Variants in ATG14 observed in about 807,000 individuals in gnomAD.
ATG14 encodes beclin 1-associated autophagy-related key regulator.
In ATG14, 35 loss-of-function variants were observed where a neutral mutation model predicts 60.4. The observed-to-expected ratio is 0.58, with a 90% confidence interval of 0.44 to 0.77. The LOEUF is 0.77. Ranked by LOEUF, ATG14 falls within the 30% of genes least tolerant of loss-of-function variation. The probability of loss-of-function intolerance (pLI) is 0.00; values close to 1 mark genes in which losing one functional copy is unlikely to be tolerated. For synonymous variants in ATG14, 234 were observed against 228.8 expected (o/e 1.02, Z -0.21); for missense variants, 647 against 626.3 (o/e 1.03, Z -0.35).
intron 1 of ATG14, among the ~76,000 whole-genome samples, chr14:55,409,094 G>T (rs543735542): frequency 1.3e-5 from 2 of 152,334 alleles, no homozygotes; most frequent in Admixed American, 6.5e-5. Context: ...ACGTAGTCAG[G>T]AGAGAAATGA....
At position 55,367,174 on chromosome 14, in the gene ATG14, G is replaced by C. The variant is rs1238072454; in HGVS notation, c.*2445C>G. 6.6e-6 allele frequency: 1 copy of C among 152,150 alleles called. No individual in the cohort carries two copies. The highest frequency in any genetic ancestry group is 1.5e-5 in the Non-Finnish European group (1 of 68,030). The allele number at this position is 152,150 out of a possible 1,614,324, so 9.4% of individuals were successfully genotyped here. A position where few individuals can be genotyped will look rare whatever the true frequency, so the allele number is the denominator to read the frequency against. On this transcript the variant is annotated 3_prime_UTR_variant, in exon 10 of 10. Transcript: ENST00000247178. ...TCATCTCTCATTCATGGTTTCATAA[G>C]AGGCTTAAGAAAACCATGACTGTTG...
intron 4 of ATG14, among the ~76,000 whole-genome samples, chr14:55,386,414 T>A (rs779757734): frequency 6.6e-6 from 1 of 152,174 alleles, no homozygotes; most frequent in Non-Finnish European, 1.5e-5. Context: ...CACCAAAGAA[T>A]AGTCACATTG....
In ATG14 at chr14:55,368,748, C is replaced by G. The variant is rs1333612520; in HGVS notation, c.*871G>C. 2 of 152,178 alleles carry G rather than the reference C, an allele frequency of 1.3e-5. No individual in the cohort carries two copies. The highest frequency in any genetic ancestry group is 4.8e-5 in the African/African-American group (2 of 41,436). 9.4% of individuals were successfully genotyped at this position (152,178 alleles called of 1,614,324 possible). Reference sequence around the variant, plus strand: ...AGGCCACTTAACTAAGTGGCTTTTCCCCTGTGCCCAGGCAGGCATTGAGCT... The same window carrying G: ...AGGCCACTTAACTAAGTGGCTTTTCGCCTGTGCCCAGGCAGGCATTGAGCT... On this transcript the variant is annotated 3_prime_UTR_variant, in exon 10 of 10. Transcript: ENST00000247178.
At chr14:55,404,318 C>T (rs946015375) in intron 1 of ATG14, among the ~76,000 whole-genome samples, 17 of 152,314 alleles carry the variant, frequency 1.1e-4, no homozygotes, top group African/African-American at 4.1e-4. Flanking sequence ...TTAACCACAA[C>T]CCTGATCCCT....
At chr14:55,405,369 A>G (rs1202543115) in intron 1 of ATG14, among the ~76,000 whole-genome samples, 1 of 152,192 alleles carries the variant, frequency 6.6e-6, no homozygotes, top group African/African-American at 2.4e-5. Flanking sequence ...TGTTTAGGGC[A>G]TGCATTTCTG....
chr14:55,399,001 G>C (rs763169408), intron 1 of ATG14, among the ~76,000 whole-genome samples: 4 of 152,076 alleles, frequency 2.6e-5, no homozygotes, highest in African/African-American at 4.8e-5. Context: ...CTATTTCCCA[G>C]CAAAAAGGAA....
rs1884819349 is a variant in ATG14 at position 55,371,632 on chromosome 14, G to A, written c.1173-1707C>T. ...CCATTGGCTAACACAGTGAAACCCT[G>A]TCTCTACTAAAAATACAAAAAATTA... On this transcript the variant is annotated intron_variant, in intron 9 of 9. Transcript: ENST00000247178. Among the ~76,000 whole-genome samples the A allele has an allele frequency of 1.3e-5, 2 of 152,102 alleles. 1 individual carries two copies. The highest frequency in any genetic ancestry group is 1.3e-4 in the Admixed American group (2 of 15,274).
At chr14:55,407,770 C>T (rs759726168) in intron 1 of ATG14, among the ~76,000 whole-genome samples, 6 of 152,002 alleles carry the variant, frequency 3.9e-5, no homozygotes, top group Non-Finnish European at 8.8e-5. Flanking sequence ...AAATAGGGTA[C>T]TGTGATAGCA....
intron 5 of ATG14, among the ~76,000 whole-genome samples, chr14:55,384,645 T>C (rs1885092407): frequency 6.6e-6 from 1 of 152,248 alleles, no homozygotes; most frequent in Non-Finnish European, 1.5e-5. Flanking sequence ...ATCAGTCTTT[T>C]TGGTTTTTAG....
intron 1 of ATG14, among the ~76,000 whole-genome samples, chr14:55,403,228 GT>G (rs1469288047): frequency 3.9e-5 from 6 of 151,926 alleles, no homozygotes; most frequent in African/African-American, 1.5e-4. Context: ...AAAGCAGTGG[GT>G]ACAGATGCTT....
At chr14:55,410,061 GA>G (rs1885547697) in intron 1 of ATG14, among the ~76,000 whole-genome samples, 2 of 152,144 alleles carry the variant, frequency 1.3e-5, no homozygotes, top group Non-Finnish European at 2.9e-5. Flanking sequence ...GTTAAGAGAG[GA>G]GTCAAGGAGA....
chr14:55,383,306 T>C (rs1885066584), intron 5 of ATG14, among the ~76,000 whole-genome samples: 1 of 152,066 alleles, frequency 6.6e-6, no homozygotes, highest in South Asian at 2.1e-4. Flanking sequence ...ATCCCAGCAC[T>C]TTGGAAGGCT....
chr14:55,393,548 ATT>A (rs776111828), intron 3 of ATG14, among the ~76,000 whole-genome samples: 20 of 142,800 alleles, frequency 1.4e-4, no homozygotes, highest in Admixed American at 2.1e-4. Context: ...ATCTTTTCAG[ATT>A]TTTTTTTTTT....
intron 9 of ATG14, among the ~76,000 whole-genome samples, chr14:55,371,620 C>T (rs1310210048): frequency 1.3e-5 from 2 of 152,048 alleles, no homozygotes; most frequent in Admixed American, 1.3e-4. Flanking sequence ...TTGGCTAACA[C>T]AGTGAAACCC....
At chr14:55,403,201 G>A (rs1178073211) in intron 1 of ATG14, among the ~76,000 whole-genome samples, 3 of 151,602 alleles carry the variant, frequency 2.0e-5, no homozygotes, top group Non-Finnish European at 2.9e-5. Flanking sequence ...CCTTGGTAAA[G>A]GGATTAAAAA....
intron 1 of ATG14, among the ~76,000 whole-genome samples, chr14:55,409,664 A>G (rs1317306989): frequency 1.3e-5 from 2 of 152,178 alleles, no homozygotes; most frequent in East Asian, 3.8e-4. Context: ...TGTTCTTGGT[A>G]TGTTTGAGGA....
At chr14:55,391,040 T>C in intron 3 of ATG14, 48 bp from the exon 4 acceptor site, 1 of 1,261,182 alleles carries the variant, frequency 7.9e-7, no homozygotes, top group East Asian at 2.4e-5. Context: ...CTCTTATGGT[T>C]AATATGATTA....
intron 1 of ATG14, among the ~76,000 whole-genome samples, chr14:55,397,670 T>C (rs940331250): frequency 6.6e-6 from 1 of 152,228 alleles, no homozygotes; most frequent in Non-Finnish European, 1.5e-5. Flanking sequence ...AATATGTCTA[T>C]AGATATCTTC....
chr14:55,375,839 A>G (rs150714612), intron 9 of ATG14, among the ~76,000 whole-genome samples: 3 of 152,336 alleles, frequency 2.0e-5, no homozygotes, highest in African/African-American at 4.8e-5. Flanking sequence ...GATTGTTCCT[A>G]TGTAATCTAT....
Sources: gnomAD v4.1 joint callset for allele counts (sites outside exome capture counted in the v4.1 genomes callset) on GRCh38, gnomAD v4.1.1 for gene constraint, MANE v1.5 for transcripts, NCBI Gene and HGNC (gene_info 2026-07-23, HGNC 2026-07-21) for gene names.